Variants in IFIH1 observed in about 807,000 individuals in gnomAD.
IFIH1 encodes the protein interferon-induced helicase C domain-containing protein 1.
In IFIH1, 125 loss-of-function variants were observed where a neutral mutation model predicts 107.4. The ratio of observed to expected loss-of-function variants is 1.16; its 90% CI spans 1.01 to 1.35. The LOEUF (loss-of-function observed/expected upper bound fraction) is 1.35, where lower values mean the gene tolerates loss of function less well. IFIH1 is among the 40% of genes most tolerant of loss of function. The pLI is 0.00. For missense variants in IFIH1, 1,333 were observed against 1,213.7 expected (o/e 1.10, Z -1.46); for synonymous variants, 458 against 413.2 (o/e 1.11, Z -1.31).
At chr2:162,303,692 C>T (rs1683231066) in intron 3 of IFIH1, among the ~76,000 whole-genome samples, 1 of 151,906 alleles carries the variant, frequency 6.6e-6, no homozygotes. Context: ...TTTCTGTCCC[C>T]TAATATCATT....
rs138373022 is a variant in IFIH1 at position 162,272,281 on chromosome 2, A to C, written c.2561T>G (p.Met854Arg). ...TTGAACACAATGTATAGCTTTATAC[A>C]TCATCTTCTCTCGGAAATCATTAAC... ...ETVNDFREKMMYKAIHCVQNM... is the reference protein window; with the variant it reads ...ETVNDFREKMRYKAIHCVQNM... Residue 854 changes from methionine (M) to arginine (R), a missense_variant, in exon 13 of 16, where the codon ATG becomes AGG. Physicochemically the swap from Met to Arg is moderately conservative, Grantham distance 91. Transcript: ENST00000649979. The C allele has an allele frequency of 9.9e-6, 16 of 1,612,888 alleles. No individual in the cohort carries two copies. The highest frequency in any genetic ancestry group is 1.4e-5 in the Non-Finnish European group (16 of 1,179,392).
intron 9 of IFIH1, among the ~76,000 whole-genome samples, 186 bp downstream of exon 9, chr2:162,278,019 G>A (rs1018642656): frequency 6.6e-6 from 1 of 152,150 alleles, no homozygotes; most frequent in African/African-American, 2.4e-5. Context: ...AAATTGGATA[G>A]CATTGGAATC....
chr2:162,314,394 CCCTCCTTT>C (rs1480673296), intron 1 of IFIH1, among the ~76,000 whole-genome samples: 1 of 46,322 alleles, frequency 2.2e-5, no homozygotes, highest in Non-Finnish European at 3.8e-5. Context: ...CTCCCTCCCT[CCCTCCTTT>C]CTTTCTTTCT....
At chr2:162,305,862 G>A (rs1683271783) in intron 3 of IFIH1, among the ~76,000 whole-genome samples, 1 of 152,212 alleles carries the variant, frequency 6.6e-6, no homozygotes, top group African/African-American at 2.4e-5. Context: ...CGGTGGGAAT[G>A]CTGTATAAAG....
chr2:162,267,186 T>G lies in IFIH1; in HGVS notation c.*14A>C. On this transcript the variant is annotated 3_prime_UTR_variant, in exon 16 of 16. Transcript: ENST00000649979. ...TTTAACTGATAGTATTTTAAAAGAATCTTCAATCAAGTGCTAATCCTCATC... is the reference window on the plus strand; with the variant it reads ...TTTAACTGATAGTATTTTAAAAGAAGCTTCAATCAAGTGCTAATCCTCATC... The G allele has an allele frequency of 6.5e-7, 1 of 1,533,510 alleles. No homozygotes were observed. Among genetic ancestry groups the G allele is most frequent in the East Asian group, 2.3e-5 (1 of 44,300 alleles). The allele number at this position is 1,533,510 out of a possible 1,614,324, so 95.0% of individuals were successfully genotyped here. A position where few individuals can be genotyped will look rare whatever the true frequency, so the allele number is the denominator to read the frequency against.
chr2:162,306,068 A>T (rs1355282702), intron 3 of IFIH1, among the ~76,000 whole-genome samples: 1 of 152,270 alleles, frequency 6.6e-6, no homozygotes, highest in Non-Finnish European at 1.5e-5. Context: ...TTGTGAAAAC[A>T]GAATAAGTCC....
intron 13 of IFIH1, among the ~76,000 whole-genome samples, chr2:162,268,737 C>T (rs1224096644): frequency 6.6e-6 from 1 of 152,068 alleles, no homozygotes; most frequent in Non-Finnish European, 1.5e-5. Flanking sequence ...TTCCAGGCAC[C>T]TGCCACCATG....
intron 14 of IFIH1, among the ~76,000 whole-genome samples, 159 bp from the exon 15 acceptor site, chr2:162,267,728 G>A (rs1423945918): frequency 1.3e-5 from 2 of 152,184 alleles, no homozygotes; most frequent in South Asian, 2.1e-4. Context: ...TTGCAACTAA[G>A]GCAATGCTTC....
chr2:162,268,503 A>G (rs1018234569), intron 13 of IFIH1, among the ~76,000 whole-genome samples: 1 of 152,216 alleles, frequency 6.6e-6, no homozygotes, highest in African/African-American at 2.4e-5. Context: ...AAAGTAGCCC[A>G]TTCCATTTCA....
intron 7 of IFIH1, among the ~76,000 whole-genome samples, chr2:162,280,858 G>A (rs1018015907): frequency 2.0e-5 from 3 of 151,990 alleles, no homozygotes; most frequent in African/African-American, 7.2e-5. Context: ...CAGCTGACAA[G>A]CTCATCTTTA....
At chr2:162,285,954 C>T (rs990596561) in intron 5 of IFIH1, among the ~76,000 whole-genome samples, 14 of 151,962 alleles carry the variant, frequency 9.2e-5, no homozygotes, top group African/African-American at 3.4e-4. Flanking sequence ...GATTCTATGA[C>T]AAGGTCCAGA....
Position 162,294,096 on chromosome 2 carries a change from T to C in IFIH1, c.770-428A>G, listed in dbSNP as rs560668771. Among the ~76,000 whole-genome samples, 281 of 152,090 alleles carry C rather than the reference T, an allele frequency of 1.8e-3. 1 individual carries two copies. Among genetic ancestry groups the C allele is most frequent in the African/African-American group, 6.3e-3 (263 of 41,556 alleles). On this transcript the variant is annotated intron_variant, in intron 3 of 15. Transcript: ENST00000649979. ...TAATAAAGTACAAAAATTAATAAAG[T>C]ACCTGGATCTACTGATCAGTTATGA...
At chr2:162,317,065 C>A (rs1420324876) in intron 1 of IFIH1, among the ~76,000 whole-genome samples, 1 of 150,444 alleles carries the variant, frequency 6.6e-6, no homozygotes, top group African/African-American at 2.4e-5. Flanking sequence ...GCAATTTACC[C>A]ATTTGGGCTA....
chr2:162,272,149 G>A, intron 13 of IFIH1, 77 bp downstream of exon 13: 2 of 1,148,608 alleles, frequency 1.7e-6, no homozygotes, highest in East Asian at 5.0e-5. Context: ...TCTGGAGAAT[G>A]AGTCACAGAG....
intron 3 of IFIH1, among the ~76,000 whole-genome samples, chr2:162,299,411 C>T (rs981500003): frequency 2.5e-4 from 38 of 152,132 alleles, no homozygotes; most frequent in African/African-American, 8.0e-4. Flanking sequence ...GAGGGAGATA[C>T]GAATACACTA....
At chr2:162,297,717 C>T (rs1033587617) in intron 3 of IFIH1, among the ~76,000 whole-genome samples, 1 of 151,968 alleles carries the variant, frequency 6.6e-6, no homozygotes, top group African/African-American at 2.4e-5. Flanking sequence ...AGTAATTGAA[C>T]TGTTAAAGAA....
rs1559808617 is a variant in IFIH1 at position 162,267,211 on chromosome 2, C to A, written c.3067G>T (p.Asp1023Tyr). The A allele has an allele frequency of 6.3e-7, 1 of 1,586,276 alleles. No homozygotes were observed. The highest frequency in any genetic ancestry group is 1.4e-5 in the African/African-American group (1 of 73,102). Residue 1023 changes from aspartate to tyrosine, a missense_variant, in exon 16 of 16, where the codon GAT becomes TAT. Asp to Tyr is a radical substitution (Grantham distance 160). Coordinates refer to ENST00000649979, the MANE Select transcript of IFIH1 (RefSeq NM_022168.4). ...TCTTCAATCAAGTGCTAATCCTCAT[C>A]ACTAAATAAACAGCATTCTGAATAG... is the stretch of plus-strand genomic sequence containing the variant. The part of the protein sequence containing the change: ...LDYSECCLFS[D>Y]ED
At position 162,318,210 on chromosome 2, in the gene IFIH1, T is replaced by A; in HGVS notation, c.98A>T (p.Asp33Val). 6.2e-7 allele frequency: 1 copy of A among 1,614,160 alleles called. No homozygotes were observed. The change falls in exon 1 of 16, where the codon GAC becomes GTC. Residue 33 changes from aspartate (D) to valine (V), a missense_variant. Coordinates refer to ENST00000649979, the MANE Select transcript of IFIH1 (RefSeq NM_022168.4). ...KMYIQVEPVL[D>V]YLTFLPAEVK... is the part of the protein sequence containing the mutation. ...CTCTGCAGGCAGAAAGGTCAGGTAGTCCAGCACAGGCTCCACCTGGATGTA... is the reference window on the plus strand; with the variant it reads ...CTCTGCAGGCAGAAAGGTCAGGTAGACCAGCACAGGCTCCACCTGGATGTA...
intron 5 of IFIH1, among the ~76,000 whole-genome samples, chr2:162,283,754 T>G (rs1352586564): frequency 6.6e-6 from 1 of 151,964 alleles, no homozygotes; most frequent in African/African-American, 2.4e-5. Flanking sequence ...AGCTACCTTA[T>G]GAAGAACACT....
Sources: gnomAD v4.1 joint callset for allele counts (sites outside exome capture counted in the v4.1 genomes callset) on GRCh38, gnomAD v4.1.1 for gene constraint, MANE v1.5 for transcripts, NCBI Gene and HGNC (gene_info 2026-07-23, HGNC 2026-07-21) for gene names.